PARD3B: variants seen among roughly 807,000 people sequenced by gnomAD.
PARD3B encodes par-3 family cell polarity regulator beta.
PARD3B carries 103 observed loss-of-function variants against 130.2 expected under a neutral mutation model. The ratio of observed to expected loss-of-function variants is 0.79; its 90% CI spans 0.67 to 0.93. The LOEUF (loss-of-function observed/expected upper bound fraction) is 0.93, where lower values mean the gene tolerates loss of function less well. Among genes scored for constraint, PARD3B ranks in the 40% least tolerant of loss-of-function variants. PARD3B has a pLI of 0.00. For missense variants in PARD3B, 1,609 were observed against 1,499.2 expected (o/e 1.07, Z -1.21); for synonymous variants, 583 against 553.2 (o/e 1.05, Z -0.76).
At position 204,677,072 on chromosome 2, in the gene PARD3B, T is replaced by C. The variant is rs1053120297; in HGVS notation, c.121-9109T>C. Among the ~76,000 whole-genome samples the C allele has an allele frequency of 1.3e-5, 2 of 152,182 alleles. No homozygotes were observed. Among genetic ancestry groups the C allele is most frequent in the African/African-American group, 4.8e-5 (2 of 41,440 alleles). On this transcript the variant is annotated intron_variant, in intron 1 of 22. Coordinates refer to ENST00000406610, the MANE Select transcript of PARD3B (RefSeq NM_001302769.2). The surrounding 1 kb of genome is among the most constrained non-coding windows in gnomAD (Gnocchi z 4.1). ...CAGAAAAAGCCAAATCTCTCTTTTA[T>C]GTGGAAGGCTTTTAGTTGGATTGGA... is the stretch of plus-strand genomic sequence containing the variant.
At chr2:205,379,298 T>C (rs2045211006) in intron 18 of PARD3B, among the ~76,000 whole-genome samples, 1 of 152,154 alleles carries the variant, frequency 6.6e-6, no homozygotes, top group Admixed American at 6.6e-5. Flanking sequence ...TGGAGATTAA[T>C]ATTGACAGGC....
chr2:205,611,963 C>T (rs948398134), intron 22 of PARD3B, among the ~76,000 whole-genome samples: 2 of 152,182 alleles, frequency 1.3e-5, no homozygotes, highest in African/African-American at 4.8e-5. Flanking sequence ...TCAAAGCACA[C>T]AGCATCCGAC....
rs1406373063 is a variant in PARD3B, at chr2:205,615,754, C to CAGT, written c.3561_3563dup (p.Gln1187_Tyr1188insTer). ...AGGGCCCCGTGGGGGCAGCCCAGACCAGTACCCTTACCGAACCCAGGATTC... is the reference window on the plus strand; with the variant it reads ...AGGGCCCCGTGGGGGCAGCCCAGACCAGTAGTACCCTTACCGAACCCAGGATTC... On this transcript the variant is annotated stop_gained and inframe_insertion, in exon 23 of 23. Transcript: ENST00000406610. LOFTEE classifies it high-confidence loss of function. 6.2e-7 allele frequency: 1 copy of CAGT among 1,614,086 alleles called. No individual in the cohort carries two copies.
chr2:205,472,298 C>T (rs2054711741), intron 20 of PARD3B, among the ~76,000 whole-genome samples: 1 of 152,176 alleles, frequency 6.6e-6, no homozygotes, highest in Non-Finnish European at 1.5e-5. Context: ...CATGTGCACA[C>T]ACACACACTT....
At chr2:205,101,653 A>C (rs376490253) in intron 4 of PARD3B, among the ~76,000 whole-genome samples, 5 of 152,224 alleles carry the variant, frequency 3.3e-5, no homozygotes, top group African/African-American at 1.2e-4. Flanking sequence ...TGATGAATGG[A>C]TAAACTTAGT....
At chr2:204,952,402 A>G (rs1003858462) in intron 2 of PARD3B, among the ~76,000 whole-genome samples, 13 of 152,196 alleles carry the variant, frequency 8.5e-5, no homozygotes, top group Non-Finnish European at 1.8e-4. Context: ...TTGTTTTACT[A>G]CTTGCCCATC....
chr2:205,042,024 A>G (rs1308500363), intron 3 of PARD3B, among the ~76,000 whole-genome samples: 1 of 152,146 alleles, frequency 6.6e-6, no homozygotes, highest in African/African-American at 2.4e-5. Context: ...TAACAAAGAG[A>G]CAGAAACTTA....
At chr2:205,028,752 T>G (rs1697214283) in intron 3 of PARD3B, among the ~76,000 whole-genome samples, 1 of 152,200 alleles carries the variant, frequency 6.6e-6, no homozygotes. Context: ...GCAGATGTCA[T>G]GATCTTTTAC....
At chr2:205,546,454 A>T (rs1023778318) in intron 21 of PARD3B, among the ~76,000 whole-genome samples, 10 of 152,012 alleles carry the variant, frequency 6.6e-5, no homozygotes, top group East Asian at 1.9e-4. Flanking sequence ...AAAGGGATTT[A>T]AAAAAAATTA....
chr2:205,113,815 C>T (rs1703829657), intron 6 of PARD3B, among the ~76,000 whole-genome samples: 1 of 152,078 alleles, frequency 6.6e-6, no homozygotes, highest in Non-Finnish European at 1.5e-5. Flanking sequence ...TTATGAAATA[C>T]TTTCTTAAAG....
At position 205,301,767 on chromosome 2, in the gene PARD3B, G is replaced by T; in HGVS notation, c.2630+66G>T. ...TCTCTCCTGGTAAAATCACTCCTTTGTCTGTACTCAGAAAAAAGCGCACGC... is the reference window on the plus strand; with the variant it reads ...TCTCTCCTGGTAAAATCACTCCTTTTTCTGTACTCAGAAAAAAGCGCACGC... On this transcript the variant is annotated intron_variant, in intron 18 of 22. Coordinates refer to ENST00000406610, the MANE Select transcript of PARD3B (RefSeq NM_001302769.2). This position sits in a 1 kb window ranked among gnomAD's most constrained non-coding sequence, Gnocchi z 5.2. 6.2e-7 allele frequency: 1 copy of T among 1,613,796 alleles called. No homozygotes were observed. The highest frequency in any genetic ancestry group is 8.5e-7 in the Non-Finnish European group (1 of 1,179,714).
At position 205,241,478 on chromosome 2, in the gene PARD3B, TATTGTAATATCC is replaced by T. The variant is rs2039349381; in HGVS notation, c.2141-4296_2141-4285del. On this transcript the variant is annotated intron_variant, in intron 15 of 22. Coordinates refer to ENST00000406610, the MANE Select transcript of PARD3B (RefSeq NM_001302769.2). This position sits in a 1 kb window ranked among gnomAD's most constrained non-coding sequence, Gnocchi z 4.2. ...AGCATTTCATTGGTATCTCTTCAAT[TATTGTAATATCC>T]ATTTACGATAATCAAGAGCAAGTAG... Among the ~76,000 whole-genome samples, 1 of 152,206 alleles carries T rather than the reference TATTGTAATATCC, an allele frequency of 6.6e-6. No homozygotes were observed. The highest frequency in any genetic ancestry group is 1.5e-5 in the Non-Finnish European group (1 of 68,014).
At chr2:204,931,845 A>G (rs763570242) in intron 2 of PARD3B, among the ~76,000 whole-genome samples, 1 of 152,086 alleles carries the variant, frequency 6.6e-6, no homozygotes, top group Non-Finnish European at 1.5e-5. Flanking sequence ...AAACAGAAGA[A>G]TGAATTTGCA....
chr2:205,012,495 T>G (rs1695794968), intron 3 of PARD3B, among the ~76,000 whole-genome samples: 1 of 152,184 alleles, frequency 6.6e-6, no homozygotes, highest in Non-Finnish European at 1.5e-5. Flanking sequence ...TTTCCATGAC[T>G]CTTTTGATTT....
intron 18 of PARD3B, among the ~76,000 whole-genome samples, chr2:205,379,930 C>T (rs2045247861): frequency 6.7e-6 from 1 of 150,362 alleles, no homozygotes; most frequent in Non-Finnish European, 1.5e-5. Flanking sequence ...TATCCAGGCA[C>T]AGTGGCACGC....
chr2:204,600,874 G>T (rs2033481665), intron 1 of PARD3B, among the ~76,000 whole-genome samples: 1 of 151,626 alleles, frequency 6.6e-6, no homozygotes, highest in South Asian at 2.1e-4. Flanking sequence ...GTCATGTGTG[G>T]ACTTACTGAG....
chr2:204,922,810 T>C (rs1478377246), intron 2 of PARD3B, among the ~76,000 whole-genome samples: 1 of 152,158 alleles, frequency 6.6e-6, no homozygotes, highest in African/African-American at 2.4e-5. Flanking sequence ...TTTGTGTCTC[T>C]CCAAATCTCC....
chr2:205,161,338 A>G (rs1305282283), intron 11 of PARD3B, among the ~76,000 whole-genome samples: 1 of 152,172 alleles, frequency 6.6e-6, no homozygotes, highest in African/African-American at 2.4e-5. Flanking sequence ...GCTGAGTCAG[A>G]CAATCACACC....
rs1284788413 is a variant in PARD3B at position 205,241,811 on chromosome 2, A to G, written c.2141-3967A>G. Among the ~76,000 whole-genome samples the G allele has an allele frequency of 6.6e-6, 1 of 152,158 alleles. No homozygotes were observed. Among genetic ancestry groups the G allele is most frequent in the Non-Finnish European group, 1.5e-5 (1 of 68,000 alleles). ...ACCTGTCACATTTCATATCACTACC[A>G]TTCCAATCACTGTGCTAAATATTAT... On this transcript the variant is annotated intron_variant, in intron 15 of 22. Coordinates refer to ENST00000406610, the MANE Select transcript of PARD3B (RefSeq NM_001302769.2). The surrounding 1 kb of genome is among the most constrained non-coding windows in gnomAD (Gnocchi z 4.2).
Sources: allele counts gnomAD v4.1 joint callset (sites outside exome capture counted in the v4.1 genomes callset), GRCh38; gene constraint gnomAD v4.1.1; non-coding constraint Gnocchi (gnomAD v3.1); transcripts MANE v1.5; gene names NCBI Gene and HGNC (gene_info 2026-07-23, HGNC 2026-07-21).